The following MITF variants were observed in gnomAD, a reference collection of about 807,000 sequenced individuals.
The protein encoded by MITF is melanocyte inducing transcription factor, also known as microphthalmia-associated transcription factor.
A neutral mutation model predicts 60.5 loss-of-function variants in MITF; 17 were observed. The ratio of observed to expected loss-of-function variants is 0.28; its 90% CI spans 0.19 to 0.42. The LOEUF is 0.42. MITF is among the 10% of genes least tolerant of loss of function. The pLI, the probability that MITF is intolerant of heterozygous loss-of-function variation, is 1.00. For missense variants in MITF, 622 were observed against 683.5 expected, an observed-to-expected ratio of 0.91 and a Z score of 1.00; for synonymous variants, 260 against 248.5, an observed-to-expected ratio of 1.05 and a Z score of -0.43.
At chr3:69,946,232 C>T (rs1157271088) in intron 5 of MITF, among the ~76,000 whole-genome samples, 1 of 152,174 alleles carries the variant, frequency 6.6e-6, no homozygotes, top group Non-Finnish European at 1.5e-5. Flanking sequence ...TGCTTAATAT[C>T]ACATAGCAAG....
chr3:69,766,292 C>G (rs1356657938), intron 1 of MITF, among the ~76,000 whole-genome samples: 6 of 151,562 alleles, frequency 4.0e-5, no homozygotes, highest in African/African-American at 1.5e-4. Context: ...TCACTGCAAC[C>G]TCTGCCTCCT....
intron 1 of MITF, among the ~76,000 whole-genome samples, chr3:69,872,521 A>G (rs921907547): frequency 2.0e-4 from 31 of 152,240 alleles, no homozygotes; most frequent in African/African-American, 7.5e-4. Flanking sequence ...ATGTACAAAA[A>G]TAAAAAATGA....
chr3:69,879,070 CA>C, intron 1 of MITF, 63 bp from the exon 2 acceptor site: 1 of 1,387,766 alleles, frequency 7.2e-7, no homozygotes, highest in Admixed American at 1.7e-5. Flanking sequence ...AGGATACCCC[CA>C]AAGTGCAAAC....
intron 2 of MITF, among the ~76,000 whole-genome samples, chr3:69,935,076 C>A (rs2065802906): frequency 6.6e-6 from 1 of 152,170 alleles, no homozygotes; most frequent in Non-Finnish European, 1.5e-5. Flanking sequence ...TTGCCACAGA[C>A]CTCACTACTC....
Position 69,804,430 on chromosome 3 carries a change from T to C in MITF, c.104+64729T>C, listed in dbSNP as rs1347641736. Among the ~76,000 whole-genome samples, 4 of 152,256 alleles carry C rather than the reference T, an allele frequency of 2.6e-5. No homozygotes were observed. In the South Asian group the frequency reaches 6.2e-4, roughly 24 times the overall value. On this transcript the variant is annotated intron_variant, in intron 1 of 9. Transcript: ENST00000352241. ...CCTTTCGGGGTTGAGGCTCCCTCTT[T>C]TATTCTGGCGTTTCCCTCTTTTTCC...
chr3:69,828,027 A>G lies in MITF; in HGVS notation c.105-51107A>G, dbSNP rs1671861710. Among the ~76,000 whole-genome samples, 3 of 152,344 alleles carry G rather than the reference A, an allele frequency of 2.0e-5. No individual in the cohort carries two copies. In the South Asian group the frequency reaches 6.2e-4, roughly 32 times the overall value. ...TGCGTCTATACAATTCTTGTCATAA[A>G]TGTGATCAAGTATATCTTTACCTTT... On this transcript the variant is annotated intron_variant, in intron 1 of 9. Coordinates refer to ENST00000352241, the MANE Select transcript of MITF (RefSeq NM_001354604.2).
At chr3:69,949,672 T>G (rs2066192841) in intron 6 of MITF, among the ~76,000 whole-genome samples, 1 of 152,200 alleles carries the variant, frequency 6.6e-6, no homozygotes, top group South Asian at 2.1e-4. Context: ...TGCAAAAGAT[T>G]TATTACACAG....
At chr3:69,915,483 T>G (rs1335437826) in intron 2 of MITF, among the ~76,000 whole-genome samples, 1 of 151,616 alleles carries the variant, frequency 6.6e-6, no homozygotes, top group African/African-American at 2.4e-5. Context: ...ATATATATAT[T>G]TGTATGTACA....
intron 2 of MITF, among the ~76,000 whole-genome samples, chr3:69,880,495 G>A (rs1404179684): frequency 6.6e-6 from 1 of 152,066 alleles, no homozygotes; most frequent in Admixed American, 6.5e-5. Flanking sequence ...AGGGAAAAAA[G>A]ATACAAATAG....
At chr3:69,801,930 G>T (rs2062926915) in intron 1 of MITF, among the ~76,000 whole-genome samples, 1 of 152,088 alleles carries the variant, frequency 6.6e-6, no homozygotes, top group South Asian at 2.1e-4. Flanking sequence ...CAAGTGATTT[G>T]TCTCTATTCT....
chr3:69,858,165 T>G (rs2063952115), intron 1 of MITF, among the ~76,000 whole-genome samples: 1 of 152,144 alleles, frequency 6.6e-6, no homozygotes, highest in South Asian at 2.1e-4. Context: ...ATTGGTTATT[T>G]GAATATTTTA....
intron 2 of MITF, among the ~76,000 whole-genome samples, chr3:69,927,253 T>A (rs1023623638): frequency 6.6e-6 from 1 of 152,174 alleles, no homozygotes; most frequent in Admixed American, 6.5e-5. Flanking sequence ...TTAAATATTG[T>A]TAGATTAACA....
intron 1 of MITF, among the ~76,000 whole-genome samples, chr3:69,866,870 T>G (rs1454749368): frequency 6.6e-6 from 1 of 151,822 alleles, no homozygotes; most frequent in Non-Finnish European, 1.5e-5. Flanking sequence ...TGGTAACAGT[T>G]GCATTAATGA....
chr3:69,955,692 G>T (rs1027816785), intron 7 of MITF, among the ~76,000 whole-genome samples: 2 of 152,074 alleles, frequency 1.3e-5, no homozygotes, highest in Non-Finnish European at 2.9e-5. Flanking sequence ...GCATGTGCCT[G>T]TAGTCCCAGC....
chr3:69,763,089 T>TA, intron 1 of MITF, among the ~76,000 whole-genome samples: 1 of 152,312 alleles, frequency 6.6e-6, no homozygotes, highest in South Asian at 2.1e-4. Flanking sequence ...TGGCTGCTGT[T>TA]AAAAATTTCT....
chr3:69,817,543 G>A (rs549516985), intron 1 of MITF, among the ~76,000 whole-genome samples: 1 of 151,784 alleles, frequency 6.6e-6, no homozygotes, highest in Non-Finnish European at 1.5e-5. Context: ...TGAAAAACTT[G>A]GTTTGGAAAG....
At chr3:69,870,440 A>T (rs1807409) in intron 1 of MITF, among the ~76,000 whole-genome samples, 92,266 of 135,136 alleles carry the variant, frequency 0.68, 34,261 homozygotes, top group Non-Finnish European at 0.85. Flanking sequence ...ATATATATAT[A>T]TTTTTTTTTT....
intron 1 of MITF, among the ~76,000 whole-genome samples, chr3:69,746,505 AT>A (rs1011292529): frequency 2.6e-5 from 4 of 151,860 alleles, no homozygotes; most frequent in Non-Finnish European, 1.5e-5. Context: ...TGAGAGTTTC[AT>A]TTTTTTTGTG....
intron 2 of MITF, among the ~76,000 whole-genome samples, chr3:69,885,469 CTGAA>C (rs2064591254): frequency 6.6e-6 from 1 of 152,000 alleles, no homozygotes; most frequent in Non-Finnish European, 1.5e-5. Flanking sequence ...TCATCTGACT[CTGAA>C]TGGTAATTTC....
Sources: allele counts gnomAD v4.1 joint callset (sites outside exome capture counted in the v4.1 genomes callset), GRCh38; gene constraint gnomAD v4.1.1; transcripts MANE v1.5; gene names NCBI Gene and HGNC (gene_info 2026-07-23, HGNC 2026-07-21).